Variants in PROM1 observed in about 807,000 individuals in gnomAD.
PROM1 encodes the protein prominin 1.
In PROM1, 105 loss-of-function variants were observed where a neutral mutation model predicts 116.9. The observed-to-expected ratio is 0.90, with a 90% CI of 0.77 to 1.06. PROM1 has a LOEUF of 1.06. Among genes scored for constraint, PROM1 ranks in the 50% least tolerant of loss-of-function variants. The pLI, the probability that PROM1 is intolerant of heterozygous loss-of-function variation, is 0.00. For missense variants in PROM1, 1,122 were observed against 1,045.2 expected (o/e 1.07, Z -1.01); for synonymous variants, 393 against 387.0 (o/e 1.02, Z -0.18).
rs919646653 is a variant in PROM1 at position 15,989,669 on chromosome 4, C to T, written c.2076+63G>A. 5.9e-6 allele frequency: 8 copies of T among 1,353,882 alleles called. No homozygotes were observed. In the East Asian group the frequency reaches 1.5e-4, roughly 25 times the overall value. The allele number at this position is 1,353,882 out of a possible 1,614,324, so 83.9% of individuals were successfully genotyped here. A position where few individuals can be genotyped will look rare whatever the true frequency, so the allele number is the denominator to read the frequency against. On this transcript the variant is annotated intron_variant, in intron 19 of 27. Coordinates refer to ENST00000447510, the MANE Select transcript of PROM1 (RefSeq NM_006017.3). ...CATGTGTCGTGAGGCTAAATGAAAG[C>T]CAACTAGCTGCAGTAGATTTTGCTC...
intron 5 of PROM1, among the ~76,000 whole-genome samples, chr4:16,028,111 T>A (rs1731783644): frequency 6.6e-6 from 1 of 151,474 alleles, no homozygotes; most frequent in East Asian, 1.9e-4. Context: ...AGCCCAGGAG[T>A]TCCAAGTCCA....
intron 4 of PROM1, among the ~76,000 whole-genome samples, chr4:16,034,024 C>A (rs1203908502): frequency 6.6e-6 from 1 of 151,946 alleles, no homozygotes; most frequent in African/African-American, 2.4e-5. Flanking sequence ...TGTCTTTCAA[C>A]CCCTAGGAAG....
chr4:15,979,948 A>G (rs763971949), intron 24 of PROM1, 44 bp from the exon 25 acceptor site: 1 of 1,208,712 alleles, frequency 8.3e-7, no homozygotes, highest in South Asian at 1.5e-5. Flanking sequence ...TTTTTTAATT[A>G]TTATGAAAGC....
chr4:15,986,080 A>C, intron 20 of PROM1, 43 bp from the exon 21 acceptor site: 1 of 1,391,774 alleles, frequency 7.2e-7, no homozygotes, highest in Non-Finnish European at 9.9e-7. Flanking sequence ...AAGTCATAGA[A>C]AGTTTTAATT....
chr4:16,023,273 G>A (rs911591511), intron 8 of PROM1, 53 bp downstream of exon 8: 2 of 1,434,004 alleles, frequency 1.4e-6, no homozygotes, highest in South Asian at 2.4e-5. Flanking sequence ...AGCCTGCCAA[G>A]CCCAGGGACT....
chr4:16,072,999 C>T (rs898419808), intron 2 of PROM1, among the ~76,000 whole-genome samples: 4 of 152,128 alleles, frequency 2.6e-5, no homozygotes, highest in Non-Finnish European at 5.9e-5. Context: ...AATCCCCTAC[C>T]CACCAAATTA....
At chr4:15,981,592 AG>A (rs1308135962) in intron 23 of PROM1, among the ~76,000 whole-genome samples, 2 of 149,844 alleles carry the variant, frequency 1.3e-5, no homozygotes, top group East Asian at 4.0e-4. Flanking sequence ...AAAAAAAAAA[AG>A]ATGACAAATT....
At position 15,991,277 on chromosome 4, in the gene PROM1, G is replaced by C. The variant is rs62617075; in HGVS notation, c.1928C>G (p.Ala643Gly). The change falls in exon 18 of 28, where the codon GCA (alanine) becomes GGA (glycine). Residue 643 changes from alanine (A) to glycine (G), a missense_variant. Coordinates refer to ENST00000447510, the MANE Select transcript of PROM1 (RefSeq NM_006017.3). ...SYLAQTGKSP[A>G]GVNLLSFAYD... ...TGCAAATGATAAAAGATTCACTCCT[G>C]CGGGGGATTTACCAGTCTACAATAG... The C allele has an allele frequency of 7.0e-4, 1,122 of 1,604,138 alleles. 1 individual carries two copies. Among genetic ancestry groups the C allele is most frequent in the Non-Finnish European group, 8.6e-4 (1,006 of 1,176,516 alleles).
chr4:15,999,948 C>T lies in PROM1; in HGVS notation c.1578+548G>A, dbSNP rs977770820. On this transcript the variant is annotated intron_variant, in intron 14 of 27. Transcript: ENST00000447510. ...AAACTGCCAACTGGTCCCCCGGAGT[C>T]GGTGGGAGTTGGACTGAGAGGGAGA... Among the ~76,000 whole-genome samples, 3 of 152,186 alleles carry T rather than the reference C, an allele frequency of 2.0e-5. No homozygotes were observed. The East Asian group carries it at 5.8e-4, about 29-fold the overall frequency.
intron 10 of PROM1, among the ~76,000 whole-genome samples, chr4:16,013,945 CGA>C (rs1727605188): frequency 1.8e-5 from 1 of 55,268 alleles, no homozygotes. Context: ...ATAGTCTAAA[CGA>C]AAAAAAAAAA....
chr4:15,993,153 T>C (rs1217862225), intron 16 of PROM1, among the ~76,000 whole-genome samples: 1 of 152,216 alleles, frequency 6.6e-6, no homozygotes, highest in Non-Finnish European at 1.5e-5. Flanking sequence ...CTTTTCACAT[T>C]TGAAAACCAT....
At chr4:15,970,202 G>C (rs1714094547) in intron 27 of PROM1, among the ~76,000 whole-genome samples, 1 of 137,344 alleles carries the variant, frequency 7.3e-6, no homozygotes. Flanking sequence ...GTCTCACTCT[G>C]TTGCCCACGC....
chr4:15,976,830 T>C (rs1010253502), intron 26 of PROM1, among the ~76,000 whole-genome samples: 1 of 152,194 alleles, frequency 6.6e-6, no homozygotes, highest in East Asian at 1.9e-4. Flanking sequence ...CTTTTAGGAA[T>C]GACTTGCCTC....
At chr4:16,015,549 G>A (rs577138512) in intron 10 of PROM1, among the ~76,000 whole-genome samples, 4 of 151,560 alleles carry the variant, frequency 2.6e-5, no homozygotes, top group Admixed American at 2.0e-4. Context: ...ACTCAGCCAG[G>A]CATGTTGGCG....
At chr4:16,027,960 C>T (rs902529507) in intron 5 of PROM1, among the ~76,000 whole-genome samples, 2 of 152,100 alleles carry the variant, frequency 1.3e-5, no homozygotes, top group Non-Finnish European at 2.9e-5. Flanking sequence ...ATATTTTAGA[C>T]CTACATTTCT....
intron 19 of PROM1, among the ~76,000 whole-genome samples, chr4:15,988,165 C>T (rs950086832): frequency 2.6e-5 from 4 of 152,114 alleles, no homozygotes; most frequent in Non-Finnish European, 2.9e-5. Context: ...TGTGAGCCAC[C>T]GCGCCTGGCC....
intron 2 of PROM1, among the ~76,000 whole-genome samples, chr4:16,050,117 C>T (rs978252606): frequency 4.0e-5 from 6 of 151,578 alleles, no homozygotes; most frequent in African/African-American, 7.3e-5. Context: ...AAAAATTAGC[C>T]GGGCGCGGTG....
At chr4:15,986,141 C>G in intron 20 of PROM1, 104 bp from the exon 21 acceptor site, 2 of 752,914 alleles carry the variant, frequency 2.7e-6, no homozygotes, top group East Asian at 2.8e-5. Context: ...TGCAACACCA[C>G]GACCTGGACC....
At chr4:16,029,957 C>T (rs1732264297) in intron 5 of PROM1, among the ~76,000 whole-genome samples, 1 of 152,162 alleles carries the variant, frequency 6.6e-6, no homozygotes, top group African/African-American at 2.4e-5. Context: ...TTCTGCCTTC[C>T]AATTTTGTTG....
Sources: gnomAD v4.1 joint callset for allele counts (sites outside exome capture counted in the v4.1 genomes callset) on GRCh38, gnomAD v4.1.1 for gene constraint, MANE v1.5 for transcripts, NCBI Gene and HGNC (gene_info 2026-07-23, HGNC 2026-07-21) for gene names.